The following INTS8 variants were observed in gnomAD, a reference collection of about 807,000 sequenced individuals.
INTS8 encodes protein kaonashi-1.
In INTS8, 47 loss-of-function variants were observed where a neutral mutation model predicts 138.9. The ratio of observed to expected loss-of-function variants is 0.34; its 90% confidence interval spans 0.27 to 0.43. The LOEUF (loss-of-function observed/expected upper bound fraction) is 0.43. Ranked by LOEUF, INTS8 falls within the 20% of genes least tolerant of loss-of-function variation. The pLI is 1.00. For missense variants in INTS8, 996 were observed against 1,173.0 expected (o/e 0.85, Z 2.20); for synonymous variants, 392 against 400.9 (o/e 0.98, Z 0.27).
intron 15 of INTS8, among the ~76,000 whole-genome samples, chr8:94,858,891 C>G (rs1437930216): frequency 2.6e-5 from 4 of 152,200 alleles, no homozygotes; most frequent in African/African-American, 9.6e-5. Context: ...ACTGATAGCT[C>G]TGCATATAAT....
Position 94,859,513 on chromosome 8 carries a change from ATTCCTC to A in INTS8, c.1961_1966del (p.Pro654_Leu655del). 1 of 1,612,650 alleles carries A rather than the reference ATTCCTC, an allele frequency of 6.2e-7. No homozygotes were observed. The highest frequency in any genetic ancestry group is 1.1e-5 in the South Asian group (1 of 90,978). On this transcript the variant is annotated inframe_deletion, in exon 16 of 27. Transcript: ENST00000523731. ...CTGTTTTCTTCTTTGCTTTTTAGATATTCCTCTTCGTCAAGTTATAGCTGAGGAATG... is the reference window on the plus strand; with the variant it reads ...CTGTTTTCTTCTTTGCTTTTTAGATATTCGTCAAGTTATAGCTGAGGAATG...
intron 16 of INTS8, among the ~76,000 whole-genome samples, chr8:94,861,678 G>T (rs1162884171): frequency 1.3e-5 from 2 of 150,930 alleles, no homozygotes; most frequent in Non-Finnish European, 3.0e-5. Flanking sequence ...TCAGCCCCCC[G>T]AGTAGCTGGG....
chr8:94,841,464 G>C, intron 8 of INTS8, 27 bp from the exon 9 acceptor site: 1 of 1,131,348 alleles, frequency 8.8e-7, no homozygotes. Context: ...TTTTTGAAAT[G>C]GGTGCAACTT....
At chr8:94,825,824 A>G (rs1002868894) in intron 2 of INTS8, among the ~76,000 whole-genome samples, 1 of 136,434 alleles carries the variant, frequency 7.3e-6, no homozygotes, top group Non-Finnish European at 1.7e-5. Context: ...ATAATTGGGG[A>G]GGAGAGGGGT....
At chr8:94,865,937 C>T (rs1816162018) in intron 17 of INTS8, among the ~76,000 whole-genome samples, 1 of 152,062 alleles carries the variant, frequency 6.6e-6, no homozygotes, top group African/African-American at 2.4e-5. Context: ...AACTGGAATT[C>T]AAAATCAGTA....
chr8:94,858,902 T>G (rs1375403600), intron 15 of INTS8, among the ~76,000 whole-genome samples: 4 of 152,212 alleles, frequency 2.6e-5, no homozygotes, highest in African/African-American at 9.6e-5. Flanking sequence ...TGCATATAAT[T>G]TTTGTAAACT....
intron 26 of INTS8, among the ~76,000 whole-genome samples, chr8:94,877,920 A>G (rs1419745215): frequency 6.6e-6 from 1 of 152,124 alleles, no homozygotes; most frequent in Admixed American, 6.5e-5. Flanking sequence ...AATACAACAA[A>G]TACTATTCTG....
At chr8:94,850,350 C>T (rs374274255) in intron 12 of INTS8, among the ~76,000 whole-genome samples, 12 of 152,162 alleles carry the variant, frequency 7.9e-5, no homozygotes, top group East Asian at 1.9e-4. Flanking sequence ...TGGTGGCTCA[C>T]GCCTGTAATC....
chr8:94,864,561 A>T (rs938347299), intron 16 of INTS8: 3 of 152,214 alleles, frequency 2.0e-5, no homozygotes, highest in Non-Finnish European at 4.4e-5. Flanking sequence ...TACAGAAATT[A>T]GCCGGGCATG....
intron 5 of INTS8, among the ~76,000 whole-genome samples, chr8:94,829,424 G>A (rs143643604): frequency 1.6e-3 from 237 of 151,998 alleles, no homozygotes; most frequent in African/African-American, 4.9e-3. Context: ...TAGGGTTTGC[G>A]CTCCTGTGTG....
chr8:94,849,435 T>G (rs1197609623), intron 10 of INTS8, 27 bp from the exon 11 acceptor site: 1 of 1,170,380 alleles, frequency 8.5e-7, no homozygotes, highest in East Asian at 2.4e-5. Context: ...GTACCCATAT[T>G]CAAATGAAAA....
At chr8:94,872,547 T>C (rs537687715) in intron 21 of INTS8, among the ~76,000 whole-genome samples, 5 of 152,200 alleles carry the variant, frequency 3.3e-5, no homozygotes, top group Non-Finnish European at 7.3e-5. Context: ...ATTTTTTAAA[T>C]CTAATTAATC....
chr8:94,825,476 A>G (rs1281229655), intron 2 of INTS8, among the ~76,000 whole-genome samples: 2 of 151,872 alleles, frequency 1.3e-5, no homozygotes, highest in East Asian at 3.8e-4. Context: ...TTGATAAAAT[A>G]TGCAAGTATA....
chr8:94,831,483 T>TTTC (rs33995186), intron 5 of INTS8, among the ~76,000 whole-genome samples: 1,049 of 36,604 alleles, frequency 0.029, 11 homozygotes, highest in African/African-American at 0.064. Context: ...TGTCTTTTTC[T>TTTC]TTTTTTTTTT....
chr8:94,879,496 G>A (rs1390926416), intron 26 of INTS8, among the ~76,000 whole-genome samples: 1 of 151,870 alleles, frequency 6.6e-6, no homozygotes, highest in African/African-American at 2.4e-5. Flanking sequence ...TTGGGAGGCT[G>A]AGGCAGGAGA....
intron 16 of INTS8, among the ~76,000 whole-genome samples, chr8:94,862,811 A>G (rs189957494): frequency 6.6e-6 from 1 of 152,244 alleles, no homozygotes; most frequent in Admixed American, 6.5e-5. Context: ...AAAAAATACA[A>G]TCTGAATCAG....
At chr8:94,877,832 A>T (rs1461723849) in intron 26 of INTS8, among the ~76,000 whole-genome samples, 1 of 152,090 alleles carries the variant, frequency 6.6e-6, no homozygotes, top group African/African-American at 2.4e-5. Flanking sequence ...TGAGCCCCTC[A>T]CGATCAGTGG....
intron 13 of INTS8, among the ~76,000 whole-genome samples, chr8:94,852,237 C>T (rs988247520): frequency 6.6e-6 from 1 of 152,200 alleles, no homozygotes; most frequent in East Asian, 1.9e-4. Context: ...GCCACCACGT[C>T]TGGCTGCATT....
intron 10 of INTS8, among the ~76,000 whole-genome samples, chr8:94,846,960 T>C (rs951733286): frequency 6.6e-6 from 1 of 152,240 alleles, no homozygotes; most frequent in African/African-American, 2.4e-5. Flanking sequence ...TGATCGTTTT[T>C]TAATAGAAAT....
Sources: gnomAD v4.1 joint callset for allele counts (sites outside exome capture counted in the v4.1 genomes callset) on GRCh38, gnomAD v4.1.1 for gene constraint, MANE v1.5 for transcripts, NCBI Gene and HGNC (gene_info 2026-07-23, HGNC 2026-07-21) for gene names.